RASSF3: variants seen among roughly 807,000 people sequenced by gnomAD.
The protein encoded by RASSF3 is Ras association domain family member 3.
RASSF3 carries 19 observed loss-of-function variants against 19.9 expected under a neutral mutation model. The observed-to-expected ratio is 0.96, with a 90% CI of 0.67 to 1.40. RASSF3 has a LOEUF of 1.40. Ranked by LOEUF, RASSF3 falls within the 40% of genes most tolerant of loss-of-function variation. RASSF3 has a pLI of 0.00. For missense variants in RASSF3, 306 were observed against 289.8 expected (o/e 1.06, Z -0.41); for synonymous variants, 110 against 104.2 (o/e 1.06, Z -0.34).
intron 2 of RASSF3, among the ~76,000 whole-genome samples, chr12:64,589,630 G>T (rs1457571951): frequency 6.6e-6 from 1 of 151,734 alleles, no homozygotes; most frequent in African/African-American, 2.4e-5. Flanking sequence ...ATAAAGAAAA[G>T]GTGTTTGGCC....
At chr12:64,673,830 C>A (rs909039135) in intron 1 of RASSF3, among the ~76,000 whole-genome samples, 6 of 151,680 alleles carry the variant, frequency 4.0e-5, no homozygotes, top group African/African-American at 1.5e-4. Flanking sequence ...TGAGTGTAAT[C>A]TGGTATGCCT....
intron 1 of RASSF3, among the ~76,000 whole-genome samples, chr12:64,675,953 A>G (rs1178010902): frequency 1.3e-5 from 2 of 151,978 alleles, no homozygotes; most frequent in Non-Finnish European, 2.9e-5. Flanking sequence ...AGGGGGAAAA[A>G]AATCCCAGCC....
intron 4 of RASSF3, among the ~76,000 whole-genome samples, chr12:64,693,257 T>A (rs1004995500): frequency 1.3e-5 from 2 of 151,840 alleles, no homozygotes; most frequent in African/African-American, 4.8e-5. Context: ...TTGTATTTGG[T>A]TATCTTGAAT....
chr12:64,634,261 G>C (rs1352093337), intron 1 of RASSF3, among the ~76,000 whole-genome samples: 2 of 150,656 alleles, frequency 1.3e-5, no homozygotes, highest in African/African-American at 4.9e-5. Context: ...CTTGCAAATT[G>C]ACACAGAGGG....
At chr12:64,616,327 A>C (rs1170357753) in intron 1 of RASSF3, among the ~76,000 whole-genome samples, 2 of 152,208 alleles carry the variant, frequency 1.3e-5, no homozygotes, top group African/African-American at 2.4e-5. Flanking sequence ...AAAATATCCA[A>C]TAATGTGGTT....
intron 1 of RASSF3, among the ~76,000 whole-genome samples, chr12:64,636,157 C>T (rs1013288837): frequency 6.6e-6 from 1 of 151,346 alleles, no homozygotes; most frequent in Admixed American, 6.6e-5. Flanking sequence ...CACTCTGTTG[C>T]CCAGGTTAGA....
intron 1 of RASSF3, among the ~76,000 whole-genome samples, chr12:64,516,149 A>T (rs1486595326): frequency 6.6e-6 from 1 of 152,172 alleles, no homozygotes; most frequent in African/African-American, 2.4e-5. Context: ...GATTTTCTTG[A>T]CATGATTTTT....
chr12:64,579,056 T>G (rs991332902), intron 2 of RASSF3, among the ~76,000 whole-genome samples: 11 of 151,034 alleles, frequency 7.3e-5, no homozygotes, highest in African/African-American at 2.4e-4. Context: ...GAACCCAGGA[T>G]GCAGAGGTTG....
At chr12:64,661,341 G>T (rs1247105557) in intron 1 of RASSF3, among the ~76,000 whole-genome samples, 2 of 152,126 alleles carry the variant, frequency 1.3e-5, no homozygotes, top group Admixed American at 1.3e-4. Context: ...TAAAAAACTA[G>T]CTGGGCACAG....
downstream of RASSF3, among the ~76,000 whole-genome samples, chr12:64,544,927 G>A (rs1338492894): frequency 2.6e-5 from 4 of 152,170 alleles, no homozygotes; most frequent in African/African-American, 9.7e-5. Flanking sequence ...TGTGTTCAGC[G>A]TGTGTGGTTT....
intron 1 of RASSF3, among the ~76,000 whole-genome samples, chr12:64,657,961 A>T (rs1359737657): frequency 6.6e-6 from 1 of 152,098 alleles, no homozygotes; most frequent in Non-Finnish European, 1.5e-5. Flanking sequence ...CTGAGGTGGG[A>T]GGATCATTTT....
chr12:64,639,450 G>GAT (rs1431286011), intron 1 of RASSF3, among the ~76,000 whole-genome samples: 1 of 150,560 alleles, frequency 6.6e-6, no homozygotes, highest in Non-Finnish European at 1.5e-5. Flanking sequence ...TTGAACAGGT[G>GAT]ATAACATTTT....
chr12:64,530,992 C>T (rs571087026), upstream of RASSF3, among the ~76,000 whole-genome samples: 1 of 152,170 alleles, frequency 6.6e-6, no homozygotes, highest in Admixed American at 6.5e-5. Flanking sequence ...TACTTTCAGT[C>T]TCTCGTCTTT....
intron 2 of RASSF3, chr12:64,598,932 C>G (rs1269419768): frequency 7.3e-6 from 1 of 136,710 alleles, no homozygotes; most frequent in Non-Finnish European, 1.5e-5. Context: ...TGTTCCTCTT[C>G]CTGGAGACAC....
intron 2 of RASSF3, among the ~76,000 whole-genome samples, chr12:64,595,093 A>G (rs1869979139): frequency 9.9e-6 from 1 of 101,086 alleles, no homozygotes; most frequent in Non-Finnish European, 2.1e-5. Flanking sequence ...TTTTTGAGAC[A>G]GTCTTGCTCT....
At chr12:64,682,353 C>T (rs1488666198) in intron 1 of RASSF3, among the ~76,000 whole-genome samples, 1 of 152,098 alleles carries the variant, frequency 6.6e-6, no homozygotes, top group African/African-American at 2.4e-5. Flanking sequence ...GGGCGGATCA[C>T]AAGGTCAGGA....
intron 1 of RASSF3, among the ~76,000 whole-genome samples, chr12:64,649,342 G>A (rs1160288478): frequency 4.0e-5 from 6 of 151,818 alleles, no homozygotes; most frequent in African/African-American, 9.7e-5. Context: ...ACAGGCACCC[G>A]CCACCACACC....
At chr12:64,532,643 G>A (rs1220289908), upstream of RASSF3, among the ~76,000 whole-genome samples, 1 of 151,678 alleles carries the variant, frequency 6.6e-6, no homozygotes, top group African/African-American at 2.4e-5. Flanking sequence ...GGCAACATAG[G>A]GAGACCCGAT....
chr12:64,678,665 A>AAAAAC (rs61660274), intron 1 of RASSF3, among the ~76,000 whole-genome samples: 1 of 146,840 alleles, frequency 6.8e-6, no homozygotes, highest in African/African-American at 2.5e-5. Context: ...AAAAAAAAAA[A>AAAAAC]CCAAACAAAA....
Sources: gnomAD v4.1 joint callset for allele counts (sites outside exome capture counted in the v4.1 genomes callset) on GRCh38, gnomAD v4.1.1 for gene constraint, MANE v1.5 for transcripts, NCBI Gene and HGNC (gene_info 2026-07-23, HGNC 2026-07-21) for gene names.